Variants in DLG2 observed in about 807,000 individuals in gnomAD.
DLG2 encodes discs large MAGUK scaffold protein 2.
Under a neutral mutation model 132.5 loss-of-function variants are expected in DLG2, and 45 were observed. The observed-to-expected ratio is 0.34, with a 90% CI of 0.27 to 0.44. The LOEUF (loss-of-function observed/expected upper bound fraction) is 0.44, where lower values mean the gene tolerates loss of function less well. Ranked by LOEUF, DLG2 falls within the 20% of genes least tolerant of loss-of-function variation. DLG2 has a pLI of 1.00. For missense variants in DLG2, 1,045 were observed against 1,196.9 expected (o/e 0.87, Z 1.87); for synonymous variants, 424 against 419.6 (o/e 1.01, Z -0.13).
intron 19 of DLG2, among the ~76,000 whole-genome samples, chr11:83,570,043 T>C (rs1565849313): frequency 6.6e-6 from 1 of 152,242 alleles, no homozygotes; most frequent in Non-Finnish European, 1.5e-5. Flanking sequence ...AACCTATGGC[T>C]GGTCACTTCA....
intron 3 of DLG2, among the ~76,000 whole-genome samples, chr11:85,397,459 C>T (rs988599867): frequency 6.6e-6 from 1 of 152,004 alleles, no homozygotes; most frequent in Non-Finnish European, 1.5e-5. Flanking sequence ...GGGCAAAATG[C>T]CCGATTTAAA....
chr11:84,088,134 A>T (rs2097022811), intron 10 of DLG2, among the ~76,000 whole-genome samples: 1 of 152,178 alleles, frequency 6.6e-6, no homozygotes, highest in African/African-American at 2.4e-5. Flanking sequence ...TTAATTGACG[A>T]ACTCCAAGTT....
At chr11:83,898,537 T>A (rs559284305) in intron 15 of DLG2, among the ~76,000 whole-genome samples, 1 of 152,130 alleles carries the variant, frequency 6.6e-6, no homozygotes. Flanking sequence ...CTAGTATTGA[T>A]CAAATACATT....
chr11:84,357,224 A>G (rs7928075), intron 7 of DLG2, among the ~76,000 whole-genome samples: 34,004 of 151,998 alleles, frequency 0.22, 5,402 homozygotes, highest in African/African-American at 0.45. Flanking sequence ...GATAGAAGAC[A>G]TAGGAGGCAA....
At chr11:83,501,064 T>C (rs955486875) in intron 21 of DLG2, among the ~76,000 whole-genome samples, 2 of 152,192 alleles carry the variant, frequency 1.3e-5, no homozygotes, top group Non-Finnish European at 2.9e-5. Flanking sequence ...TTGCTCACTT[T>C]ACAGTTATTC....
intron 16 of DLG2, among the ~76,000 whole-genome samples, chr11:83,869,067 T>C (rs2062935823): frequency 1.3e-5 from 2 of 152,188 alleles, no homozygotes; most frequent in African/African-American, 4.8e-5. Context: ...TAATACCTTG[T>C]TTATTTAACT....
Position 84,237,907 on chromosome 11 carries a change from G to A in DLG2, c.573+13331C>T, listed in dbSNP as rs187325865. On this transcript the variant is annotated intron_variant, in intron 8 of 27. Transcript: ENST00000376104. ...AGAGAAAAAATTAGCCGGGTGTGGT[G>A]GTGGGGCACCTGTAATCCCAGCTAC... 4.1e-4 allele frequency among the ~76,000 whole-genome samples: 62 copies of A among 151,766 alleles called. No individual in the cohort carries two copies. The East Asian group carries it at 9.2e-3, about 22-fold the overall frequency.
chr11:83,589,581 AC>A (rs1281587069), intron 19 of DLG2, among the ~76,000 whole-genome samples: 1 of 149,406 alleles, frequency 6.7e-6, no homozygotes, highest in African/African-American at 2.5e-5. Flanking sequence ...AACTGCATCA[AC>A]TAACGAGCAA....
At chr11:83,472,701 G>C in intron 23 of DLG2, 26 bp downstream of exon 23, 1 of 1,606,654 alleles carries the variant, frequency 6.2e-7, no homozygotes, top group Non-Finnish European at 8.5e-7. Flanking sequence ...CAGAAATTAG[G>C]AATGAAAGCG....
intron 7 of DLG2, among the ~76,000 whole-genome samples, chr11:84,459,049 T>C (rs778205425): frequency 5.3e-5 from 8 of 150,674 alleles, no homozygotes; most frequent in Non-Finnish European, 1.2e-4. Context: ...GAGTTTGAAC[T>C]CCAGCAGTCC....
rs660071 is a variant in DLG2 at position 84,391,777 on chromosome 11, G to T, written c.520-140486C>A. Among the ~76,000 whole-genome samples, 311 of 151,176 alleles carry T rather than the reference G, an allele frequency of 2.1e-3. 1 individual carries two copies. The highest frequency in any genetic ancestry group is 7.3e-3 in the African/African-American group (299 of 40,886). ...TAAAAACCAAATTTAAATTTAGCTT[G>T]GGATTTTCTGTTAATGTTAAAAAAA... is the stretch of plus-strand genomic sequence containing the variant. On this transcript the variant is annotated intron_variant, in intron 7 of 27. Transcript: ENST00000376104.
intron 6 of DLG2, among the ~76,000 whole-genome samples, chr11:84,856,570 T>C (rs1287329919): frequency 6.6e-6 from 1 of 152,122 alleles, no homozygotes; most frequent in Non-Finnish European, 1.5e-5. Context: ...TCTTTATCAC[T>C]ATTTATACTA....
At chr11:83,785,483 G>C (rs912563685) in intron 18 of DLG2, among the ~76,000 whole-genome samples, 1 of 152,150 alleles carries the variant, frequency 6.6e-6, no homozygotes, top group Admixed American at 6.5e-5. Flanking sequence ...ATCCATCTGT[G>C]ACCATCACAA....
chr11:83,607,701 G>A (rs1219105501), intron 19 of DLG2, among the ~76,000 whole-genome samples: 5 of 152,154 alleles, frequency 3.3e-5, no homozygotes, highest in Middle Eastern at 3.4e-3. Context: ...GCCACAAACT[G>A]GAAATAATCC....
intron 3 of DLG2, among the ~76,000 whole-genome samples, chr11:85,435,545 A>G (rs190804730): frequency 8.8e-4 from 134 of 152,232 alleles, no homozygotes; most frequent in African/African-American, 3.0e-3. Flanking sequence ...CAAATCATGA[A>G]TGAACTCCCA....
At chr11:84,648,118 C>A (rs1940071) in intron 6 of DLG2, among the ~76,000 whole-genome samples, 28,209 of 152,112 alleles carry the variant, frequency 0.19, 3,515 homozygotes, top group African/African-American at 0.35. Context: ...GCCTACAAAA[C>A]CTATGCTCTT....
intron 4 of DLG2, among the ~76,000 whole-genome samples, chr11:85,256,286 G>A (rs773198771): frequency 1.6e-4 from 24 of 152,218 alleles, no homozygotes; most frequent in East Asian, 1.4e-3. Context: ...AGGGATGATC[G>A]GAGAGGAGAT....
At chr11:84,211,015 GAA>G (rs2096747638) in intron 8 of DLG2, among the ~76,000 whole-genome samples, 1 of 151,982 alleles carries the variant, frequency 6.6e-6, no homozygotes, top group Non-Finnish European at 1.5e-5. Context: ...GTAAGGAAAA[GAA>G]AAGCTCTGAC....
chr11:84,076,238 A>G (rs868577009), intron 10 of DLG2, among the ~76,000 whole-genome samples: 6 of 152,330 alleles, frequency 3.9e-5, no homozygotes, highest in African/African-American at 1.4e-4. Context: ...AAAGGAGGCC[A>G]TAGGCATGAG....
Sources: allele counts gnomAD v4.1 joint callset (sites outside exome capture counted in the v4.1 genomes callset), GRCh38; gene constraint gnomAD v4.1.1; transcripts MANE v1.5; gene names NCBI Gene and HGNC (gene_info 2026-07-23, HGNC 2026-07-21).